FOXP2: variants seen among roughly 807,000 people sequenced by gnomAD.
FOXP2 encodes the protein forkhead box protein P2.
A neutral mutation model predicts 115.8 loss-of-function variants in FOXP2; 12 were observed. The ratio of observed to expected loss-of-function variants is 0.10; its 90% CI spans 0.07 to 0.17. The LOEUF (loss-of-function observed/expected upper bound fraction) is 0.17. Among genes scored for constraint, FOXP2 ranks in the 10% least tolerant of loss-of-function variants. The probability of loss-of-function intolerance (pLI) is 1.00; values close to 1 mark genes in which losing one functional copy is unlikely to be tolerated. For synonymous variants in FOXP2, 328 were observed against 297.7 expected (o/e 1.10, Z -1.05); for missense variants, 629 against 843.5 (o/e 0.75, Z 3.15).
chr7:114,182,970 C>T (rs1793496249), intron 1 of FOXP2, among the ~76,000 whole-genome samples: 1 of 151,980 alleles, frequency 6.6e-6, no homozygotes, highest in Non-Finnish European at 1.5e-5. Flanking sequence ...TTTTCCTTTG[C>T]AGAATGCAGG....
At chr7:114,611,367 C>G (rs1450283828) in intron 3 of FOXP2, among the ~76,000 whole-genome samples, 1 of 151,750 alleles carries the variant, frequency 6.6e-6, no homozygotes, top group Non-Finnish European at 1.5e-5. Flanking sequence ...TTTTATTGCC[C>G]TCAGAAGCAT....
At chr7:114,644,544 C>T (rs1584986433) in intron 7 of FOXP2, 141 bp from the exon 8 acceptor site, 1 of 700,086 alleles carries the variant, frequency 1.4e-6, no homozygotes, top group Non-Finnish European at 2.6e-6. Flanking sequence ...TTCAATAGAA[C>T]GATTAAATTT....
chr7:114,128,830 A>C (rs2129144906), intron 1 of FOXP2, among the ~76,000 whole-genome samples: 1 of 152,270 alleles, frequency 6.6e-6, no homozygotes, highest in African/African-American at 2.4e-5. Context: ...TTCTGGGGAA[A>C]CCAGAATTTT....
intron 1 of FOXP2, among the ~76,000 whole-genome samples, chr7:114,092,372 A>G (rs1337173512): frequency 3.9e-5 from 6 of 151,986 alleles, no homozygotes; most frequent in Non-Finnish European, 8.8e-5. Context: ...CAAAGAAAGA[A>G]TGCTACTAGA....
intron 2 of FOXP2, among the ~76,000 whole-genome samples, chr7:114,375,424 T>A (rs1792115860): frequency 6.6e-6 from 1 of 152,204 alleles, no homozygotes; most frequent in African/African-American, 2.4e-5. Flanking sequence ...TAGGCTCTGC[T>A]TGTGTCCCAG....
At chr7:114,521,114 G>T (rs1354329698) in intron 2 of FOXP2, among the ~76,000 whole-genome samples, 1 of 152,112 alleles carries the variant, frequency 6.6e-6, no homozygotes, top group Non-Finnish European at 1.5e-5. Flanking sequence ...CAAAAGAACT[G>T]TATGGTGTTT....
At chr7:114,096,508 C>G (rs1799655220) in intron 1 of FOXP2, among the ~76,000 whole-genome samples, 3 of 152,100 alleles carry the variant, frequency 2.0e-5, no homozygotes, top group African/African-American at 7.2e-5. Flanking sequence ...TCAAAATATT[C>G]TACACACAGT....
chr7:114,225,062 A>G (rs965174172), intron 1 of FOXP2, among the ~76,000 whole-genome samples: 4 of 152,132 alleles, frequency 2.6e-5, no homozygotes, highest in African/African-American at 7.2e-5. Context: ...CTACTTGATT[A>G]TAATATATAA....
chr7:114,331,987 A>G (rs1026393418), intron 2 of FOXP2, among the ~76,000 whole-genome samples: 2 of 152,134 alleles, frequency 1.3e-5, no homozygotes, highest in Non-Finnish European at 2.9e-5. Flanking sequence ...TGTGCAACAA[A>G]TGACAACTCT....
chr7:114,563,303 T>C (rs1234665470), intron 3 of FOXP2, among the ~76,000 whole-genome samples: 1 of 152,210 alleles, frequency 6.6e-6, no homozygotes, highest in East Asian at 1.9e-4. Context: ...ATTCAATTCT[T>C]ACCTTAGTAG....
intron 3 of FOXP2, among the ~76,000 whole-genome samples, chr7:114,576,604 A>T (rs546709793): frequency 1.3e-5 from 2 of 152,056 alleles, no homozygotes; most frequent in African/African-American, 4.8e-5. Context: ...TATATTTTTC[A>T]TCAAATAAAT....
At chr7:114,289,847 A>G (rs1376820833) in intron 2 of FOXP2, among the ~76,000 whole-genome samples, 1 of 151,998 alleles carries the variant, frequency 6.6e-6, no homozygotes, top group African/African-American at 2.4e-5. Flanking sequence ...CTAATGGGAA[A>G]GTGAATTCTG....
intron 2 of FOXP2, among the ~76,000 whole-genome samples, chr7:114,302,653 A>G (rs887159009): frequency 6.6e-5 from 10 of 152,202 alleles, no homozygotes; most frequent in Admixed American, 2.6e-4. Context: ...TTCCCTTCCA[A>G]TGAGTGAGGG....
chr7:114,241,718 A>G (rs1485981451), intron 1 of FOXP2, among the ~76,000 whole-genome samples: 2 of 146,364 alleles, frequency 1.4e-5, no homozygotes, highest in Non-Finnish European at 3.0e-5. Flanking sequence ...TGGGAAATAA[A>G]ACGTAAAAAA....
chr7:114,203,013 C>A (rs1399276766), intron 1 of FOXP2, among the ~76,000 whole-genome samples: 5 of 152,152 alleles, frequency 3.3e-5, no homozygotes, highest in Non-Finnish European at 5.9e-5. Flanking sequence ...GCTTAATTTA[C>A]AAATAAAAAT....
At chr7:114,659,312 T>C (rs1464832005) in intron 11 of FOXP2, 44 bp from the exon 12 acceptor site, 2 of 1,314,038 alleles carry the variant, frequency 1.5e-6, no homozygotes, top group Non-Finnish European at 2.2e-6. Context: ...TTATATATAA[T>C]GTGAATTATT....
Position 114,458,552 on chromosome 7 carries a change from T to TC in FOXP2, c.168+31873_168+31874insC, listed in dbSNP as rs1562938753. The stretch of plus-strand genomic sequence containing the variant: ...AACTATGATATTTTCTTTTCTTTTT[T>TC]TTTTTTTTTTTTTGAGACAGGATCT... On this transcript the variant is annotated intron_variant, in intron 2 of 16. Transcript: ENST00000350908. Among the ~76,000 whole-genome samples the TC allele has an allele frequency of 6.8e-5, 10 of 146,434 alleles. No individual in the cohort carries two copies. The South Asian group carries it at 2.2e-3, about 32-fold the overall frequency.
intron 8 of FOXP2, among the ~76,000 whole-genome samples, chr7:114,651,446 A>G (rs1806248741): frequency 6.6e-6 from 1 of 152,098 alleles, no homozygotes; most frequent in Non-Finnish European, 1.5e-5. Context: ...TGCTTTACTA[A>G]ATTACTTTTG....
intron 6 of FOXP2, among the ~76,000 whole-genome samples, chr7:114,641,511 A>G (rs1368819168): frequency 6.6e-6 from 1 of 152,138 alleles, no homozygotes; most frequent in African/African-American, 2.4e-5. Flanking sequence ...TGGTTTGTTT[A>G]AGACACCAAA....
Sources: allele counts gnomAD v4.1 joint callset (sites outside exome capture counted in the v4.1 genomes callset), GRCh38; gene constraint gnomAD v4.1.1; transcripts MANE v1.5; gene names NCBI Gene and HGNC (gene_info 2026-07-23, HGNC 2026-07-21).